TET3: variants seen among roughly 807,000 people sequenced by gnomAD.
TET3 encodes the protein tet methylcytosine dioxygenase 3, also known as methylcytosine dioxygenase TET3.
TET3 carries 19 observed loss-of-function variants against 141.4 expected under a neutral mutation model. The ratio of observed to expected loss-of-function variants is 0.13; its 90% CI spans 0.09 to 0.20. The LOEUF (loss-of-function observed/expected upper bound fraction) is 0.20. Among genes scored for constraint, TET3 ranks in the 10% least tolerant of loss-of-function variants. The pLI is 1.00. For synonymous variants in TET3, 1,043 were observed against 980.9 expected (o/e 1.06, Z -1.18); for missense variants, 1,874 against 2,356.9 (o/e 0.80, Z 4.24).
At chr2:74,123,602 C>G in the TET3 span, among the ~76,000 whole-genome samples, 1 of 152,180 alleles carries the variant, frequency 6.6e-6, no homozygotes, top group Non-Finnish European at 1.5e-5. Flanking sequence ...GATCTCGGCT[C>G]GCTACAACCT....
chr2:74,047,212 A>G lies in TET3; in HGVS notation c.1295A>G (p.Glu432Gly). The G allele has an allele frequency of 4.3e-6, 7 of 1,613,926 alleles. No homozygotes were observed. Among genetic ancestry groups the G allele is most frequent in the Non-Finnish European group, 5.9e-6 (7 of 1,179,878 alleles). The change falls in exon 4 of 12, where the codon GAG (glutamate) becomes GGG (glycine). Residue 432 changes from glutamate to glycine, a missense_variant. Around this residue, in one of 10 missense-constraint regions of TET3, gnomAD observed 484 missense variants for 462.2 expected, o/e 1.05. Coordinates refer to ENST00000409262, the MANE Select transcript of TET3 (RefSeq NM_001287491.2). ...TTCCCTCCAGCAACTCCTAGAACTG[A>G]GTTCCCTGAAGCCTGGGGCACTGAC... is the stretch of plus-strand genomic sequence containing the variant. ...SAFPPATPRT[E>G]FPEAWGTDTP...
chr2:74,049,893 G>GTCT (rs1687850984), intron 4 of TET3, among the ~76,000 whole-genome samples: 1 of 152,110 alleles, frequency 6.6e-6, no homozygotes, highest in Non-Finnish European at 1.5e-5. Context: ...GCTCCTAGAT[G>GTCT]ATGGTTCCCA....
In TET3 at chr2:74,047,464, C is replaced by T. The variant is rs761793358; in HGVS notation, c.1547C>T (p.Ser516Leu). The change falls in exon 4 of 12, where the codon TCG (serine) becomes TTG (leucine). Residue 516 changes from serine to leucine, a missense_variant. By Grantham distance (145) the Ser-to-Leu change is moderately radical. Transcript: ENST00000409262. ...VLQREAPTPS[S>L]EPDTHQKAQT... is the part of the protein sequence containing the mutation. ...CAGAGGGAGGCTCCCACGCCATCCT[C>T]GGAGCCCGACACCCACCAGAAGGCC... The T allele has an allele frequency of 7.4e-6, 12 of 1,612,338 alleles. No homozygotes were observed. Among genetic ancestry groups the T allele is most frequent in the East Asian group, 4.5e-5 (2 of 44,878 alleles).
chr2:74,021,260 G>T (rs1039103285), intron 3 of TET3, among the ~76,000 whole-genome samples: 1 of 152,212 alleles, frequency 6.6e-6, no homozygotes, highest in African/African-American at 2.4e-5. Context: ...TTCTCAGGGT[G>T]CTGAGCAGAG....
intron 4 of TET3, among the ~76,000 whole-genome samples, chr2:74,067,352 C>T (rs140085747): frequency 1.3e-5 from 2 of 152,254 alleles, no homozygotes; most frequent in Middle Eastern, 3.4e-3. Context: ...TGTAATTTGC[C>T]CACAGTCACA....
intron 2 of TET3, among the ~76,000 whole-genome samples, chr2:73,997,091 C>T (rs1305853666): frequency 6.6e-6 from 1 of 152,254 alleles, no homozygotes; most frequent in Non-Finnish European, 1.5e-5. Flanking sequence ...GCTAGAGCAG[C>T]AATTCCAGAT....
chr2:74,039,817 A>G (rs1022147877), intron 3 of TET3, among the ~76,000 whole-genome samples: 4 of 152,214 alleles, frequency 2.6e-5, no homozygotes, highest in African/African-American at 9.7e-5. Flanking sequence ...GCCTCTCCAC[A>G]TGGCCTGGGC....
chr2:74,063,205 T>C (rs909514850), intron 4 of TET3, among the ~76,000 whole-genome samples: 1 of 151,006 alleles, frequency 6.6e-6, no homozygotes, highest in Non-Finnish European at 1.5e-5. Context: ...TTTTTTTTAA[T>C]GGAGTATGCC....
rs764518852 is a variant in TET3, at chr2:74,099,553, G to C, written c.3545G>C (p.Ser1182Thr). ...EKKKIQKEKL[S>T]TPEKIKQEAL... ...AAGAAGATTCAGAAGGAGAAGCTGA[G>C]CACTCCGGAGAAGATCAAGCAGGAG... is the stretch of plus-strand genomic sequence containing the variant. The change falls in exon 11 of 12, where the codon AGC (serine) becomes ACC (threonine). Residue 1182 changes from serine (S) to threonine (T), a missense_variant. Transcript: ENST00000409262. The C allele has an allele frequency of 4.3e-6, 7 of 1,609,206 alleles. No homozygotes were observed. The South Asian group carries it at 7.8e-5, about 18-fold the overall frequency.
chr2:74,056,858 G>A (rs1475416496), intron 4 of TET3, among the ~76,000 whole-genome samples: 1 of 152,134 alleles, frequency 6.6e-6, no homozygotes, highest in African/African-American at 2.4e-5. Context: ...AGATCAAATT[G>A]AATTAAAGAA....
At chr2:74,088,094 A>T in intron 7 of TET3, 56 bp downstream of exon 7, 1 of 1,509,462 alleles carries the variant, frequency 6.6e-7, no homozygotes, top group Non-Finnish European at 8.9e-7. Flanking sequence ...TGGGCAGCAA[A>T]TACAGGAGAC....
At chr2:74,022,096 T>C (rs1417698726) in intron 3 of TET3, among the ~76,000 whole-genome samples, 3 of 32,296 alleles carry the variant, frequency 9.3e-5, no homozygotes, top group Admixed American at 6.3e-4. Context: ...CTAGGACACT[T>C]TTTTTTTTTT....
intron 4 of TET3, among the ~76,000 whole-genome samples, chr2:74,054,764 A>G (rs1037047031): frequency 1.3e-5 from 2 of 152,250 alleles, no homozygotes; most frequent in African/African-American, 4.8e-5. Flanking sequence ...GAGGGCTAAC[A>G]GCATCAGAAA....
the TET3 span, among the ~76,000 whole-genome samples, chr2:74,129,063 T>C: frequency 1.4e-5 from 2 of 147,352 alleles, no homozygotes; most frequent in African/African-American, 5.1e-5. Context: ...ACTTTGGGAT[T>C]AGTGCTGGGA....
At chr2:73,985,739 A>G (rs542816054) in intron 1 of TET3, among the ~76,000 whole-genome samples, 70 of 152,176 alleles carry the variant, frequency 4.6e-4, no homozygotes, top group African/African-American at 1.7e-3. Flanking sequence ...CAACTTTCTT[A>G]GAAATCTCAC....
At chr2:73,990,862 G>T (rs1684286815) in intron 2 of TET3, among the ~76,000 whole-genome samples, 1 of 152,188 alleles carries the variant, frequency 6.6e-6, no homozygotes, top group Non-Finnish European at 1.5e-5. Flanking sequence ...GTTCAGGCTG[G>T]TCTCAGCATC....
Position 74,100,472 on chromosome 2 carries a change from C to G in TET3, c.3684C>G (p.Ser1228=). The part of the protein sequence containing the change: ...LKVEPQNHFS[S]FKYSGNAVVE... Reference sequence around the variant, plus strand: ...TGGAGCCGCAGAACCACTTCAGCTCCTTCAAGTACAGCGGCAACGCGGTGG... The same window carrying G: ...TGGAGCCGCAGAACCACTTCAGCTCGTTCAAGTACAGCGGCAACGCGGTGG... The change falls in exon 12 of 12, where the codon TCC becomes TCG. Residue 1228 remains serine (S), a synonymous_variant. Transcript: ENST00000409262. 1 of 1,593,072 alleles carries G rather than the reference C, an allele frequency of 6.3e-7. No individual in the cohort carries two copies. The highest frequency in any genetic ancestry group is 8.5e-7 in the Non-Finnish European group (1 of 1,169,974).
At chr2:73,997,866 C>T (rs1308773754) in intron 2 of TET3, among the ~76,000 whole-genome samples, 1 of 152,172 alleles carries the variant, frequency 6.6e-6, no homozygotes, top group Non-Finnish European at 1.5e-5. Context: ...AACTACAGTA[C>T]ATTCTGATAG....
At chr2:73,983,709 C>G (rs1683865085), upstream of TET3, among the ~76,000 whole-genome samples, 1 of 152,210 alleles carries the variant, frequency 6.6e-6, no homozygotes, top group African/African-American at 2.4e-5. Context: ...TCTGGCTAAG[C>G]TGTTAGCTGC....
Sources: allele counts gnomAD v4.1 joint callset (sites outside exome capture counted in the v4.1 genomes callset), GRCh38; gene constraint gnomAD v4.1.1; regional missense constraint gnomAD v4.1.1; transcripts MANE v1.5; gene names NCBI Gene and HGNC (gene_info 2026-07-23, HGNC 2026-07-21).